Variants in CIAO2A observed in about 807,000 individuals in gnomAD.
CIAO2A encodes MIP18 family protein FAM96A.
CIAO2A carries 17 observed loss-of-function variants against 22.4 expected under a neutral mutation model. That is an observed-to-expected ratio of 0.76 (90% CI 0.52 to 1.14). The LOEUF is 1.14. Ranked by LOEUF, CIAO2A falls within the 50% of genes most tolerant of loss-of-function variation. CIAO2A has a pLI of 0.00. For synonymous variants in CIAO2A, 74 were observed against 72.3 expected, an observed-to-expected ratio of 1.02 and a Z score of -0.12; for missense variants, 192 against 191.4, an observed-to-expected ratio of 1.00 and a Z score of -0.02.
At chr15:64,082,655 C>T (rs1398636755) in intron 2 of CIAO2A, among the ~76,000 whole-genome samples, 1 of 152,186 alleles carries the variant, frequency 6.6e-6, no homozygotes, top group Non-Finnish European at 1.5e-5. Context: ...AGTTCCTCTT[C>T]CCCTGGCCCC....
intron 2 of CIAO2A, among the ~76,000 whole-genome samples, chr15:64,081,533 GC>G (rs35417670): frequency 0.63 from 82,897 of 131,440 alleles, 27,804 homozygotes; most frequent in East Asian, 0.79. Flanking sequence ...AACTCATTAA[GC>G]CTTTTTTTTT....
At chr15:64,073,574 T>C (rs943177251) in intron 4 of CIAO2A, among the ~76,000 whole-genome samples, 5 of 152,184 alleles carry the variant, frequency 3.3e-5, no homozygotes, top group Admixed American at 3.3e-4. Context: ...AGCTATCAGT[T>C]TGGCAACAAT....
intron 2 of CIAO2A, among the ~76,000 whole-genome samples, chr15:64,083,270 A>C (rs1195481010): frequency 3.3e-5 from 5 of 152,122 alleles, no homozygotes; most frequent in Admixed American, 3.3e-4. Context: ...CAAGAAACCA[A>C]GGTAGGTGAT....
At chr15:64,075,261 C>A in intron 4 of CIAO2A, 1 of 385,362 alleles carries the variant, frequency 2.6e-6, no homozygotes, top group Non-Finnish European at 4.6e-6. Context: ...AGATGTGTAG[C>A]CACTGGCCTA....
At chr15:64,087,884 GCAAT>G (rs1256456052) in intron 2 of CIAO2A, among the ~76,000 whole-genome samples, 1 of 151,270 alleles carries the variant, frequency 6.6e-6, no homozygotes, top group African/African-American at 2.4e-5. Flanking sequence ...TCAGGCATAT[GCAAT>G]CAAATACAAA....
chr15:64,075,846 A>G (rs1427594508), intron 3 of CIAO2A, among the ~76,000 whole-genome samples: 5 of 151,238 alleles, frequency 3.3e-5, no homozygotes, highest in Non-Finnish European at 7.4e-5. Flanking sequence ...TTTTTTTAGT[A>G]GAGATGGGGT....
chr15:64,086,442 T>C (rs1005269675), intron 2 of CIAO2A, among the ~76,000 whole-genome samples: 4 of 152,020 alleles, frequency 2.6e-5, no homozygotes, highest in East Asian at 3.9e-4. Flanking sequence ...AAATTTGCTA[T>C]AGGTTCTTGA....
At chr15:64,092,410 T>A (rs1242245764) in intron 1 of CIAO2A, among the ~76,000 whole-genome samples, 1 of 152,192 alleles carries the variant, frequency 6.6e-6, no homozygotes, top group Admixed American at 6.6e-5. Context: ...TCTTTCTAGA[T>A]CCCCTCAGTC....
At chr15:64,083,163 G>A (rs1037099546) in intron 2 of CIAO2A, among the ~76,000 whole-genome samples, 1 of 150,516 alleles carries the variant, frequency 6.6e-6, no homozygotes, top group East Asian at 1.9e-4. Flanking sequence ...ACACATAAGT[G>A]TACAATAATA....
At chr15:64,076,053 T>A (rs990141014) in intron 3 of CIAO2A, among the ~76,000 whole-genome samples, 2 of 152,190 alleles carry the variant, frequency 1.3e-5, no homozygotes, top group South Asian at 4.1e-4. Context: ...TAGGATTTTT[T>A]ATTTTGTTCA....
chr15:64,090,603 G>C (rs1000113517), intron 1 of CIAO2A, among the ~76,000 whole-genome samples: 21 of 152,198 alleles, frequency 1.4e-4, no homozygotes, highest in African/African-American at 5.1e-4. Context: ...AACATTAAAT[G>C]CTGCAGAAAA....
chr15:64,088,664 C>T, intron 2 of CIAO2A, 23 bp downstream of exon 2: 3 of 1,551,666 alleles, frequency 1.9e-6, no homozygotes, highest in Non-Finnish European at 2.6e-6. Context: ...TATAAATATA[C>T]ATGTATGTAC....
chr15:64,077,204 AG>A (rs1320050728), intron 3 of CIAO2A, among the ~76,000 whole-genome samples: 9 of 152,180 alleles, frequency 5.9e-5, no homozygotes, highest in African/African-American at 2.2e-4. Flanking sequence ...AGGCTGAGGC[AG>A]GAGAATCCCT....
At chr15:64,078,423 T>G (rs76498583) in intron 3 of CIAO2A, among the ~76,000 whole-genome samples, 1 of 151,754 alleles carries the variant, frequency 6.6e-6, no homozygotes, top group Admixed American at 6.6e-5. Flanking sequence ...TCACCTGAAG[T>G]CAGGAGTTCA....
intron 2 of CIAO2A, among the ~76,000 whole-genome samples, chr15:64,083,192 TAAATAGTAAA>T (rs959059925): frequency 2.6e-4 from 40 of 151,308 alleles, no homozygotes; most frequent in African/African-American, 8.9e-4. Context: ...ATAATTACTA[TAAATAGTAAA>T]AAATAATAGT....
intron 1 of CIAO2A, 69 bp downstream of exon 1, chr15:64,093,576 C>T: frequency 6.6e-7 from 1 of 1,506,876 alleles, no homozygotes; most frequent in Non-Finnish European, 9.0e-7. Context: ...GTGAGGCCAT[C>T]ATCCCCGCAC....
At position 64,088,745 on chromosome 15, in the gene CIAO2A, A is replaced by G. The variant is rs760959396; in HGVS notation, c.231T>C (p.Tyr77=). The G allele has an allele frequency of 4.3e-6, 7 of 1,613,900 alleles. No individual in the cohort carries two copies. Among genetic ancestry groups the G allele is most frequent in the Non-Finnish European group, 5.9e-6 (7 of 1,179,992 alleles). The change falls in exon 2 of 5, where the codon TAT becomes TAC. Residue 77 remains tyrosine, a synonymous_variant. Transcript: ENST00000300030. ...VEVQEINEEE[Y]LVIIRFTPTV... The stretch of plus-strand genomic sequence containing the variant: ...TTGGCGTGAACCTGATAATAACCAG[A>G]TATTCTTCTTCATTTATCTCCTGAA...
chr15:64,075,469 AT>A, intron 4 of CIAO2A, 22 bp downstream of exon 4: 1 of 1,497,292 alleles, frequency 6.7e-7, no homozygotes, highest in Non-Finnish European at 9.1e-7. Context: ...TTGTTTTTCA[AT>A]TATGTTTCAA....
chr15:64,082,957 T>C (rs1472215094), intron 2 of CIAO2A, among the ~76,000 whole-genome samples: 1 of 152,004 alleles, frequency 6.6e-6, no homozygotes, highest in Non-Finnish European at 1.5e-5. Context: ...ATCCCAGCAC[T>C]TTGGGAAGCC....
Sources: gnomAD v4.1 joint callset for allele counts (sites outside exome capture counted in the v4.1 genomes callset) on GRCh38, gnomAD v4.1.1 for gene constraint, MANE v1.5 for transcripts, NCBI Gene and HGNC (gene_info 2026-07-23, HGNC 2026-07-21) for gene names.